PCDH15: variants seen among roughly 807,000 people sequenced by gnomAD.
PCDH15 encodes protocadherin related 15.
Under a neutral mutation model 178.5 loss-of-function variants are expected in PCDH15, and 129 were observed. The ratio of observed to expected loss-of-function variants is 0.72; its 90% CI spans 0.63 to 0.84. The LOEUF (loss-of-function observed/expected upper bound fraction) is 0.84. Ranked by LOEUF, PCDH15 falls within the 40% of genes least tolerant of loss-of-function variation. The pLI is 0.00. For synonymous variants in PCDH15, 800 were observed against 732.0 expected (o/e 1.09, Z -1.50); for missense variants, 2,230 against 2,099.9 (o/e 1.06, Z -1.21).
intron 2 of PCDH15, among the ~76,000 whole-genome samples, chr10:55,427,079 C>T (rs931770234): frequency 1.1e-4 from 16 of 152,006 alleles, no homozygotes; most frequent in Admixed American, 3.9e-4. Context: ...TCATATTTTT[C>T]GGATTGAGGG....
intron 3 of PCDH15, among the ~76,000 whole-genome samples, chr10:54,395,931 C>T (rs1951159245): frequency 6.6e-6 from 1 of 152,056 alleles, no homozygotes; most frequent in South Asian, 2.1e-4. Context: ...AAGGCTCTTG[C>T]TGAACCAATT....
At chr10:54,626,251 G>A (rs890066562) in intron 2 of PCDH15, among the ~76,000 whole-genome samples, 1 of 152,186 alleles carries the variant, frequency 6.6e-6, no homozygotes, top group Non-Finnish European at 1.5e-5. Flanking sequence ...CATTTTCTGA[G>A]AAGAAATTCA....
intron 2 of PCDH15, among the ~76,000 whole-genome samples, chr10:55,409,534 C>T (rs1193215539): frequency 6.6e-6 from 1 of 152,080 alleles, no homozygotes; most frequent in Admixed American, 6.6e-5. Context: ...CTCCTCTATT[C>T]AACACGCCAG....
At chr10:54,733,035 A>T (rs929311492) in intron 1 of PCDH15, among the ~76,000 whole-genome samples, 10 of 151,610 alleles carry the variant, frequency 6.6e-5, no homozygotes, top group Non-Finnish European at 1.3e-4. Context: ...GAGTTTGTCT[A>T]CGAAAACGTA....
At chr10:54,938,143 A>G (rs535984935) in intron 2 of PCDH15, among the ~76,000 whole-genome samples, 5 of 152,166 alleles carry the variant, frequency 3.3e-5, no homozygotes, top group African/African-American at 1.2e-4. Context: ...CTATCATTAG[A>G]TTTCTGAGAT....
chr10:55,404,940 AACT>A (rs2132028758), intron 2 of PCDH15, among the ~76,000 whole-genome samples: 1 of 152,028 alleles, frequency 6.6e-6, no homozygotes, highest in African/African-American at 2.4e-5. Context: ...GTCATTTATG[AACT>A]ACAAGTCTTC....
intron 1 of PCDH15, among the ~76,000 whole-genome samples, chr10:55,236,377 T>C (rs1366449617): frequency 1.3e-5 from 2 of 151,978 alleles, no homozygotes; most frequent in African/African-American, 2.4e-5. Flanking sequence ...GTAAACTGAG[T>C]AGAACAAGAG....
chr10:55,381,336 CA>C (rs1332503064), intron 2 of PCDH15, among the ~76,000 whole-genome samples: 3 of 152,034 alleles, frequency 2.0e-5, no homozygotes, highest in Non-Finnish European at 4.4e-5. Flanking sequence ...AACTTGAAAC[CA>C]AAAATAAATG....
chr10:54,622,632 AT>A (rs2093401375), intron 2 of PCDH15, among the ~76,000 whole-genome samples: 1 of 41,898 alleles, frequency 2.4e-5, no homozygotes, highest in Non-Finnish European at 4.5e-5. Context: ...TATATAATAT[AT>A]ATTATATAAT....
intron 26 of PCDH15, among the ~76,000 whole-genome samples, chr10:53,899,493 A>G (rs1208920755): frequency 1.3e-5 from 2 of 152,036 alleles, no homozygotes; most frequent in African/African-American, 2.4e-5. Context: ...TACTTTGTCA[A>G]TCTTATTCTA....
At chr10:53,972,348 T>C (rs1302215689) in intron 21 of PCDH15, among the ~76,000 whole-genome samples, 1 of 152,142 alleles carries the variant, frequency 6.6e-6, no homozygotes, top group African/African-American at 2.4e-5. Flanking sequence ...GAAAAAAACC[T>C]AGGTAATACC....
rs1242782910 is a variant in PCDH15, at chr10:54,293,724, T to A, written c.876+23547A>T. ...CAACAGACACATGAAAAAATGCTCA[T>A]CATCACTGGTCACCAGAGAAATGCA... On this transcript the variant is annotated intron_variant, in intron 8 of 37. Coordinates refer to ENST00000644397, the MANE Select transcript of PCDH15 (RefSeq NM_001384140.1). 2.0e-5 allele frequency among the ~76,000 whole-genome samples: 3 copies of A among 152,262 alleles called. No homozygotes were observed. In the East Asian group the frequency reaches 5.8e-4, roughly 29 times the overall value.
intron 2 of PCDH15, among the ~76,000 whole-genome samples, chr10:55,512,461 T>C (rs772031785): frequency 2.6e-5 from 4 of 152,024 alleles, no homozygotes; most frequent in Admixed American, 6.6e-5. Context: ...GGGCAAATAA[T>C]GCATGGTACC....
intron 21 of PCDH15, among the ~76,000 whole-genome samples, chr10:53,982,010 G>A (rs2090690197): frequency 6.6e-6 from 1 of 152,140 alleles, no homozygotes; most frequent in South Asian, 2.1e-4. Flanking sequence ...GGTGGCAAAG[G>A]ATATGAACAG....
intron 19 of PCDH15, among the ~76,000 whole-genome samples, chr10:54,022,125 T>G (rs939128864): frequency 6.6e-6 from 1 of 151,974 alleles, no homozygotes; most frequent in Admixed American, 6.6e-5. Flanking sequence ...CTACTTTTTT[T>G]TTTTTCCAAA....
At chr10:53,934,934 TAA>T (rs145630861) in intron 25 of PCDH15, among the ~76,000 whole-genome samples, 1 of 119,840 alleles carries the variant, frequency 8.3e-6, no homozygotes, top group South Asian at 2.4e-4. Context: ...GCCACATTAA[TAA>T]AAAAAAAAAA....
intron 1 of PCDH15, among the ~76,000 whole-genome samples, chr10:55,306,192 A>T (rs1843420637): frequency 6.6e-6 from 1 of 152,246 alleles, no homozygotes; most frequent in African/African-American, 2.4e-5. Flanking sequence ...TAATAAAAAG[A>T]ATCAACCATG....
Position 54,536,253 on chromosome 10 carries a change from T to C in PCDH15, c.92-8376A>G, listed in dbSNP as rs898632266. Among the ~76,000 whole-genome samples the C allele has an allele frequency of 5.3e-5, 8 of 152,220 alleles. No homozygotes were observed. In the East Asian group the frequency reaches 9.6e-4, roughly 18 times the overall value. Reference sequence around the variant, plus strand: ...TAGCTCAGTTGCATTATTTGTAAAATAGATGTTGTTTTAGAGTAGTGTCTG... The same window carrying C: ...TAGCTCAGTTGCATTATTTGTAAAACAGATGTTGTTTTAGAGTAGTGTCTG... On this transcript the variant is annotated intron_variant, in intron 2 of 37. Transcript: ENST00000644397.
chr10:54,178,406 A>G (rs916404534), intron 13 of PCDH15, among the ~76,000 whole-genome samples: 3 of 152,138 alleles, frequency 2.0e-5, no homozygotes, highest in African/African-American at 7.2e-5. Flanking sequence ...ATGAAGAATT[A>G]TATCTGGGAG....
Sources: allele counts gnomAD v4.1 joint callset (sites outside exome capture counted in the v4.1 genomes callset), GRCh38; gene constraint gnomAD v4.1.1; transcripts MANE v1.5; gene names NCBI Gene and HGNC (gene_info 2026-07-23, HGNC 2026-07-21).